Variants in TMEM178B observed in about 807,000 individuals in gnomAD.
TMEM178B encodes transmembrane protein 178B.
TMEM178B carries 5 observed loss-of-function variants against 31.0 expected under a neutral mutation model. The ratio of observed to expected loss-of-function variants is 0.16; its 90% CI spans 0.08 to 0.34. The LOEUF (loss-of-function observed/expected upper bound fraction) is 0.34, where lower values mean the gene tolerates loss of function less well. Among genes scored for constraint, TMEM178B ranks in the 10% least tolerant of loss-of-function variants. The probability of loss-of-function intolerance (pLI) is 1.00; values close to 1 mark genes in which losing one functional copy is unlikely to be tolerated. For synonymous variants in TMEM178B, 164 were observed against 164.0 expected, an observed-to-expected ratio of 1.00 and a Z score of 0.00; for missense variants, 275 against 400.3, an observed-to-expected ratio of 0.69 and a Z score of 2.67.
the TMEM178B span, among the ~76,000 whole-genome samples, chr7:141,492,754 C>T: frequency 5.4e-3 from 817 of 152,258 alleles, 12 homozygotes; most frequent in African/African-American, 0.014. Context: ...TGCTAACCAC[C>T]CCCTCTTCCT....
At chr7:141,179,048 T>A (rs924269694) in intron 1 of TMEM178B, among the ~76,000 whole-genome samples, 35 of 152,210 alleles carry the variant, frequency 2.3e-4, no homozygotes, top group Non-Finnish European at 2.8e-4. Flanking sequence ...GCCCTTCAGA[T>A]AATTCAGGTG....
chr7:141,161,814 TTG>T (rs1275423634), intron 1 of TMEM178B, among the ~76,000 whole-genome samples: 1 of 151,106 alleles, frequency 6.6e-6, no homozygotes, highest in Non-Finnish European at 1.5e-5. Context: ...GTATGAGAGT[TTG>T]TGAGGGTGGT....
intron 1 of TMEM178B, among the ~76,000 whole-genome samples, chr7:141,206,126 T>C (rs888931450): frequency 2.6e-5 from 4 of 152,232 alleles, no homozygotes; most frequent in Admixed American, 2.6e-4. Context: ...TAATATTTAT[T>C]GAGCACTTAC....
At chr7:141,389,492 A>C (rs1676858650) in intron 2 of TMEM178B, among the ~76,000 whole-genome samples, 1 of 152,228 alleles carries the variant, frequency 6.6e-6, no homozygotes, top group Non-Finnish European at 1.5e-5. Flanking sequence ...AAGAAAGAGC[A>C]GTGATAGCTA....
chr7:141,295,808 G>A (rs1438913004), intron 2 of TMEM178B, among the ~76,000 whole-genome samples: 2 of 152,172 alleles, frequency 1.3e-5, no homozygotes, highest in East Asian at 3.9e-4. Flanking sequence ...AAAGAGCAGA[G>A]AGGGAATACA....
intron 2 of TMEM178B, among the ~76,000 whole-genome samples, chr7:141,217,989 G>A (rs376238074): frequency 1.2e-4 from 19 of 152,132 alleles, no homozygotes; most frequent in African/African-American, 4.6e-4. Context: ...CAACTAATTA[G>A]ATTGGGTAGT....
intron 2 of TMEM178B, among the ~76,000 whole-genome samples, chr7:141,222,627 A>G (rs1797274595): frequency 6.6e-6 from 1 of 152,150 alleles, no homozygotes; most frequent in Admixed American, 6.5e-5. Flanking sequence ...GCTGGGGGGA[A>G]TGCCTCTGAA....
At chr7:141,304,311 G>A (rs1323575707) in intron 2 of TMEM178B, among the ~76,000 whole-genome samples, 1 of 152,014 alleles carries the variant, frequency 6.6e-6, no homozygotes, top group Non-Finnish European at 1.5e-5. Context: ...GAAGGGGGTG[G>A]GCAGAGTGGT....
chr7:141,388,596 C>T (rs2116600165), intron 2 of TMEM178B, among the ~76,000 whole-genome samples: 1 of 152,286 alleles, frequency 6.6e-6, no homozygotes, highest in Middle Eastern at 3.4e-3. Flanking sequence ...ATCTCCAAAA[C>T]CTAATCCTAG....
intron 2 of TMEM178B, among the ~76,000 whole-genome samples, chr7:141,229,094 GT>G (rs1253736936): frequency 2.5e-4 from 29 of 114,950 alleles, no homozygotes; most frequent in Non-Finnish European, 9.3e-5. Context: ...AATGATGTGT[GT>G]GTGTGGTGTG....
At chr7:141,162,662 G>A (rs1796194242) in intron 1 of TMEM178B, among the ~76,000 whole-genome samples, 1 of 152,204 alleles carries the variant, frequency 6.6e-6, no homozygotes, top group African/African-American at 2.4e-5. Context: ...AATCAAAATA[G>A]GCATGTTGGA....
At chr7:141,264,420 G>A (rs908793542) in intron 2 of TMEM178B, among the ~76,000 whole-genome samples, 3 of 152,176 alleles carry the variant, frequency 2.0e-5, no homozygotes, top group Admixed American at 6.5e-5. Flanking sequence ...AATGTGTTCC[G>A]TTGTGGTAGG....
At chr7:141,094,367 C>T (rs1257620522) in intron 1 of TMEM178B, among the ~76,000 whole-genome samples, 1 of 152,180 alleles carries the variant, frequency 6.6e-6, no homozygotes, top group Non-Finnish European at 1.5e-5. Context: ...AGTACTTTAG[C>T]ATCTTTTTAT....
chr7:141,152,518 T>C (rs1247870675), intron 1 of TMEM178B, among the ~76,000 whole-genome samples: 1 of 152,226 alleles, frequency 6.6e-6, no homozygotes, highest in Non-Finnish European at 1.5e-5. Flanking sequence ...AGTGTGACCC[T>C]CTGTCACTTC....
chr7:141,102,929 A>G (rs1443248066), intron 1 of TMEM178B, among the ~76,000 whole-genome samples: 1 of 152,182 alleles, frequency 6.6e-6, no homozygotes, highest in Non-Finnish European at 1.5e-5. Flanking sequence ...AAATGTGTCC[A>G]GTTAAGTGGC....
At chr7:141,443,241 T>G (rs528668091) in intron 3 of TMEM178B, among the ~76,000 whole-genome samples, 1 of 152,384 alleles carries the variant, frequency 6.6e-6, no homozygotes, top group South Asian at 2.1e-4. Context: ...GTTACATGAT[T>G]ATGATACATT....
intron 2 of TMEM178B, among the ~76,000 whole-genome samples, chr7:141,322,253 C>T (rs527419450): frequency 4.3e-4 from 66 of 151,926 alleles, no homozygotes; most frequent in African/African-American, 1.6e-3. Flanking sequence ...TAGGCAGGGC[C>T]TGGTGGCTCA....
chr7:141,387,686 C>A (rs1800458482), intron 2 of TMEM178B, among the ~76,000 whole-genome samples: 1 of 152,206 alleles, frequency 6.6e-6, no homozygotes, highest in Admixed American at 6.5e-5. Context: ...CACCCCCGTT[C>A]CTGTCACCCG....
At chr7:141,427,419 A>G (rs1253788128) in intron 2 of TMEM178B, among the ~76,000 whole-genome samples, 2 of 152,244 alleles carry the variant, frequency 1.3e-5, no homozygotes, top group African/African-American at 4.8e-5. Flanking sequence ...CAGCCAACTG[A>G]TTTTCAACAA....
Sources: allele counts gnomAD v4.1 joint callset (sites outside exome capture counted in the v4.1 genomes callset), GRCh38; gene constraint gnomAD v4.1.1; transcripts MANE v1.5; gene names NCBI Gene and HGNC (gene_info 2026-07-23, HGNC 2026-07-21).